Variants in GAD2 observed in about 807,000 individuals in gnomAD.
The protein encoded by GAD2 is glutamate decarboxylase 2.
In GAD2, 22 loss-of-function variants were observed where a neutral mutation model predicts 80.1. The observed-to-expected ratio is 0.27, with a 90% CI of 0.20 to 0.39. The LOEUF (loss-of-function observed/expected upper bound fraction) is 0.39, where lower values mean the gene tolerates loss of function less well. Ranked by LOEUF, GAD2 falls within the 10% of genes least tolerant of loss-of-function variation. GAD2 has a pLI of 1.00. For missense variants in GAD2, 624 were observed against 738.4 expected (o/e 0.85, Z 1.80); for synonymous variants, 274 against 256.9 (o/e 1.07, Z -0.64).
At chr10:26,252,225 C>T (rs755591219) in intron 8 of GAD2, among the ~76,000 whole-genome samples, 1 of 152,166 alleles carries the variant, frequency 6.6e-6, no homozygotes, top group Non-Finnish European at 1.5e-5. Context: ...TTATGTTCTG[C>T]AGACAGTTGA....
Position 26,217,897 on chromosome 10 carries a change from G to A in GAD2, c.192G>A (p.Pro64=). 6.2e-7 allele frequency: 1 copy of A among 1,605,178 alleles called. No homozygotes were observed. The highest frequency in any genetic ancestry group is 8.5e-7 in the Non-Finnish European group (1 of 1,175,396). ...KPAESGGSQP[P]RAAARKAACA... ...CGGAGAGCGGCGGGAGCCAACCCCC[G>A]CGGGCCGCCGCCCGGAAGGCCGCCT... The change falls in exon 3 of 16, where the codon CCG becomes CCA. Residue 64 remains proline (P), a synonymous_variant. Coordinates refer to ENST00000376261, the MANE Select transcript of GAD2 (RefSeq NM_001134366.2). This position sits in a 1 kb window ranked among gnomAD's most constrained non-coding sequence, Gnocchi z 4.9.
At chr10:26,234,045 C>T (rs1014295036) in intron 7 of GAD2, among the ~76,000 whole-genome samples, 8 of 152,098 alleles carry the variant, frequency 5.3e-5, no homozygotes, top group East Asian at 3.9e-4. Context: ...CAACCTCAGC[C>T]GGGTGCGGTG....
chr10:26,282,218 C>T (rs953671244), intron 12 of GAD2, among the ~76,000 whole-genome samples: 4 of 152,198 alleles, frequency 2.6e-5, no homozygotes, highest in Non-Finnish European at 5.9e-5. Flanking sequence ...GCTGGGATCA[C>T]AGGCATGAGC....
chr10:26,224,087 G>A, intron 5 of GAD2, 110 bp downstream of exon 5: 1 of 723,268 alleles, frequency 1.4e-6, no homozygotes, highest in African/African-American at 1.8e-5. Context: ...CACTAAAATA[G>A]TGATACAAAC....
At chr10:26,293,691 G>A (rs1589155048) in intron 15 of GAD2, among the ~76,000 whole-genome samples, 1 of 152,190 alleles carries the variant, frequency 6.6e-6, no homozygotes, top group Admixed American at 6.5e-5. Flanking sequence ...CGCTGCTGCT[G>A]ACCCTCTTGA....
intron 6 of GAD2, chr10:26,224,878 C>A: frequency 2.0e-6 from 1 of 498,882 alleles, no homozygotes; most frequent in Non-Finnish European, 3.6e-6. Flanking sequence ...TGAGCATAAT[C>A]AGAGATGGTA....
intron 7 of GAD2, among the ~76,000 whole-genome samples, chr10:26,232,006 T>A (rs550280471): frequency 8.0e-4 from 122 of 152,284 alleles, no homozygotes; most frequent in African/African-American, 2.9e-3. Flanking sequence ...TAAAGTAACA[T>A]ATTCACGGTG....
chr10:26,301,152 C>G lies in GAD2; in HGVS notation c.*191C>G, dbSNP rs534065774. On this transcript the variant is annotated 3_prime_UTR_variant, in exon 16 of 16. Coordinates refer to ENST00000376261, the MANE Select transcript of GAD2 (RefSeq NM_001134366.2). ...CCTTTCTTAAGTTTAGAATACCTCTCTAAGAATTCGTGACAAAAGGCTATG... is the reference window on the plus strand; with the variant it reads ...CCTTTCTTAAGTTTAGAATACCTCTGTAAGAATTCGTGACAAAAGGCTATG... 2.9e-5 allele frequency: 16 copies of G among 558,944 alleles called. No homozygotes were observed. In the Admixed American group the frequency reaches 4.9e-4, roughly 17 times the overall value. 34.6% of individuals were successfully genotyped at this position (558,944 alleles called of 1,614,324 possible).
At chr10:26,284,987 C>A (rs1010222052) in intron 12 of GAD2, among the ~76,000 whole-genome samples, 1 of 152,090 alleles carries the variant, frequency 6.6e-6, no homozygotes, top group African/African-American at 2.4e-5. Flanking sequence ...ATTGATGGCA[C>A]GAAGGTGTGA....
intron 12 of GAD2, among the ~76,000 whole-genome samples, chr10:26,284,418 A>G (rs1306196936): frequency 1.3e-5 from 2 of 152,128 alleles, no homozygotes; most frequent in African/African-American, 4.8e-5. Flanking sequence ...ATGTGTTTTA[A>G]TGTGTTTTAA....
At chr10:26,282,766 T>C (rs1370671542) in intron 12 of GAD2, among the ~76,000 whole-genome samples, 1 of 152,236 alleles carries the variant, frequency 6.6e-6, no homozygotes, top group African/African-American at 2.4e-5. Context: ...CTGTGGTTCT[T>C]AATACCTCCT....
intron 13 of GAD2, among the ~76,000 whole-genome samples, chr10:26,291,329 G>A (rs912783289): frequency 1.3e-4 from 20 of 152,210 alleles, no homozygotes; most frequent in Non-Finnish European, 2.4e-4. Context: ...CTCCTGGTAT[G>A]GGTGCTGGCC....
At chr10:26,236,117 T>C (rs373497553) in intron 7 of GAD2, among the ~76,000 whole-genome samples, 3 of 152,148 alleles carry the variant, frequency 2.0e-5, no homozygotes, top group East Asian at 1.9e-4. Flanking sequence ...TATTTTAGTT[T>C]ATTATTTTAT....
In GAD2 at chr10:26,301,844, T is replaced by C. The variant is rs1834332614; in HGVS notation, c.*883T>C. ...ACTCTGCAAGCGTGACAAACCAGGC[T>C]TCATCTCAGATTAAATTAGGGTAAT... is the stretch of plus-strand genomic sequence containing the variant. On this transcript the variant is annotated 3_prime_UTR_variant, in exon 16 of 16. Transcript: ENST00000376261. The C allele has an allele frequency of 6.6e-6, 1 of 152,216 alleles. No individual in the cohort carries two copies. Among genetic ancestry groups the C allele is most frequent in the African/African-American group, 2.4e-5 (1 of 41,450 alleles). 9.4% of individuals were successfully genotyped at this position (152,216 alleles called of 1,614,324 possible).
rs1834333365 is a variant in GAD2 at position 26,301,954 on chromosome 10, T to C, written c.*993T>C. Reference sequence around the variant, plus strand: ...GAGGCATCTTCCAAATAGTATTCTTTTATTAGGTCATTTGAATTAATTAGA... The same window carrying C: ...GAGGCATCTTCCAAATAGTATTCTTCTATTAGGTCATTTGAATTAATTAGA... On this transcript the variant is annotated 3_prime_UTR_variant, in exon 16 of 16. Coordinates refer to ENST00000376261, the MANE Select transcript of GAD2 (RefSeq NM_001134366.2). 6.6e-6 allele frequency: 1 copy of C among 152,176 alleles called. No individual in the cohort carries two copies. The highest frequency in any genetic ancestry group is 1.5e-5 in the Non-Finnish European group (1 of 68,040). The allele number at this position is 152,176 out of a possible 1,614,324, so 9.4% of individuals were successfully genotyped here.
intron 10 of GAD2, among the ~76,000 whole-genome samples, chr10:26,271,035 A>G (rs1313348012): frequency 1.3e-5 from 2 of 152,188 alleles, no homozygotes; most frequent in African/African-American, 2.4e-5. Context: ...TTTGTTCTCA[A>G]TTCATCGAGC....
At chr10:26,267,786 T>C (rs898117906) in intron 8 of GAD2, among the ~76,000 whole-genome samples, 3 of 149,954 alleles carry the variant, frequency 2.0e-5, no homozygotes, top group Admixed American at 6.6e-5. Flanking sequence ...AAAAAAAGGG[T>C]CAAAAATATA....
At position 26,273,620 on chromosome 10, in the gene GAD2, TATG is replaced by T; in HGVS notation, c.1093-13_1093-11del. The T allele has an allele frequency of 6.2e-7, 1 of 1,610,436 alleles. No homozygotes were observed. Among genetic ancestry groups the T allele is most frequent in the Non-Finnish European group, 8.5e-7 (1 of 1,176,852 alleles). On this transcript the variant is annotated splice_polypyrimidine_tract_variant and intron_variant, in intron 10 of 15. Coordinates refer to ENST00000376261, the MANE Select transcript of GAD2 (RefSeq NM_001134366.2). ...TGACAAACTGCTACCATTTTCCTCATATGATTTTTTTTCAGGCAGCTTGGGGTG... is the reference window on the plus strand; with the variant it reads ...TGACAAACTGCTACCATTTTCCTCATATTTTTTTTCAGGCAGCTTGGGGTG...
intron 6 of GAD2, among the ~76,000 whole-genome samples, chr10:26,227,693 T>C (rs189755597): frequency 5.2e-4 from 79 of 152,276 alleles, no homozygotes; most frequent in African/African-American, 1.9e-3. Context: ...CTCAACACTT[T>C]ACAATGCCCA....
Sources: allele counts gnomAD v4.1 joint callset (sites outside exome capture counted in the v4.1 genomes callset), GRCh38; gene constraint gnomAD v4.1.1; non-coding constraint Gnocchi (gnomAD v3.1); transcripts MANE v1.5; gene names NCBI Gene and HGNC (gene_info 2026-07-23, HGNC 2026-07-21).